The following UNC79 variants were observed in gnomAD, a reference collection of about 807,000 sequenced individuals.
The protein encoded by UNC79 is protein unc-79 homolog.
UNC79 carries 37 observed loss-of-function variants against 283.1 expected under a neutral mutation model. The observed-to-expected ratio is 0.13, with a 90% CI of 0.10 to 0.17. UNC79 has a LOEUF of 0.17. UNC79 is among the 10% of genes least tolerant of loss of function. UNC79 has a pLI of 1.00. For missense variants in UNC79, 2,272 were observed against 3,211.1 expected, an observed-to-expected ratio of 0.71 and a Z score of 7.07; for synonymous variants, 1,107 against 1,200.2, an observed-to-expected ratio of 0.92 and a Z score of 1.61.
intron 12 of UNC79, among the ~76,000 whole-genome samples, chr14:93,539,413 C>T (rs576539589): frequency 6.6e-6 from 1 of 151,280 alleles, no homozygotes; most frequent in African/African-American, 2.4e-5. Context: ...CCCAGCTACT[C>T]AGGAGGCTGA....
In UNC79 at chr14:93,688,855, A is replaced by C; in HGVS notation, c.7085+15A>C. ...ATGCAGCAAGGGTAAGACCCTTACT[A>C]TTCCGGGAATGAGGGTAAAGAAGGC... On this transcript the variant is annotated intron_variant, in intron 44 of 48. Transcript: ENST00000555664. This position sits in a 1 kb window ranked among gnomAD's most constrained non-coding sequence, Gnocchi z 4.0. 3 of 1,609,048 alleles carry C rather than the reference A, an allele frequency of 1.9e-6. No individual in the cohort carries two copies. Among genetic ancestry groups the C allele is most frequent in the Non-Finnish European group, 2.5e-6 (3 of 1,177,198 alleles).
intron 40 of UNC79, among the ~76,000 whole-genome samples, chr14:93,663,657 A>G (rs1292578006): frequency 6.6e-6 from 1 of 151,980 alleles, no homozygotes; most frequent in Admixed American, 6.6e-5. Context: ...TGTTTTTCTG[A>G]TTAGAAACTA....
intron 7 of UNC79, among the ~76,000 whole-genome samples, chr14:93,518,161 G>A (rs1365986705): frequency 6.6e-6 from 1 of 151,996 alleles, no homozygotes; most frequent in Non-Finnish European, 1.5e-5. Flanking sequence ...TTCTGAAAGA[G>A]TTTATGTAAG....
chr14:93,333,448 A>C (rs148406077), exon 1 of UNC79: 3 of 397,538 alleles, frequency 7.5e-6, no homozygotes, highest in African/African-American at 4.1e-5. Flanking sequence ...CTCGAGAACA[A>C]CTCTTCCGCG....
intron 34 of UNC79, 92 bp from the exon 38 acceptor site, chr14:93,646,516 A>G: frequency 7.8e-7 from 1 of 1,286,514 alleles, no homozygotes; most frequent in Admixed American, 1.8e-5. Flanking sequence ...CCCCATCTAA[A>G]CTGGAAACAC....
Position 93,369,195 on chromosome 14 carries a change from T to C in UNC79, c.-351+35672T>C, listed in dbSNP as rs533874051. Among the ~76,000 whole-genome samples the C allele has an allele frequency of 8.5e-4, 130 of 152,176 alleles. 1 individual carries two copies. Among genetic ancestry groups the C allele is most frequent in the Non-Finnish European group, 1.1e-3 (77 of 68,036 alleles). On this transcript the variant is annotated intron_variant, in intron 1 of 49. Transcript: ENST00000256339. ...ACTGGTAGTAGTAAAGGAAATACATTAGGTAGGAATGTGTTCCAGACAATA... is the reference window on the plus strand; with the variant it reads ...ACTGGTAGTAGTAAAGGAAATACATCAGGTAGGAATGTGTTCCAGACAATA...
chr14:93,498,635 C>T (rs1044687386), intron 7 of UNC79, among the ~76,000 whole-genome samples: 4 of 152,022 alleles, frequency 2.6e-5, no homozygotes, highest in African/African-American at 7.2e-5. Flanking sequence ...GTTGCTCAGC[C>T]ATTCAACAGG....
rs76642035 is a variant in UNC79, at chr14:93,706,752, G to A, written c.7639G>A (p.Val2547Met). 1,319 of 1,614,206 alleles carry A rather than the reference G, an allele frequency of 8.2e-4. 9 individuals are homozygous for A. The African/African-American group carries it at 0.013, about 16-fold the overall frequency. The stretch of plus-strand genomic sequence containing the variant: ...TCGCCTCCAGGCTATTCAGAACCAC[G>A]TGAACCACCACAGCCTAAGGACGCT... The change falls in exon 49 of 49, where the codon GTG (valine) becomes ATG (methionine). Residue 2547 changes from valine to methionine, a missense_variant. Coordinates refer to ENST00000555664, the Ensembl canonical transcript of UNC79.
chr14:93,348,669 ATGATTTTAT>A (rs1239744414), intron 1 of UNC79, among the ~76,000 whole-genome samples: 1 of 152,330 alleles, frequency 6.6e-6, no homozygotes, highest in African/African-American at 2.4e-5. Flanking sequence ...TCCTATTTTA[ATGATTTTAT>A]TATCTTCTCT....
intron 1 of UNC79, among the ~76,000 whole-genome samples, chr14:93,391,522 G>T (rs7147377): frequency 0.81 from 123,810 of 152,216 alleles, 50,765 homozygotes; most frequent in African/African-American, 0.91. Flanking sequence ...AAGACAAACT[G>T]AAGGGCGTAC....
At chr14:93,561,770 G>T (rs538196538) in intron 14 of UNC79, among the ~76,000 whole-genome samples, 1 of 152,152 alleles carries the variant, frequency 6.6e-6, no homozygotes, top group Non-Finnish European at 1.5e-5. Context: ...TAAGAGTGGC[G>T]GTTTGGGGAT....
chr14:93,486,656 GGAAAAAA>G (rs1457613042), intron 4 of UNC79, among the ~76,000 whole-genome samples: 13 of 78,512 alleles, frequency 1.7e-4, no homozygotes, highest in Non-Finnish European at 2.6e-4. Context: ...CTCTGTCTAA[GGAAAAAA>G]AAAAAAAAAA....
At chr14:93,565,133 A>G (rs773647217) in intron 14 of UNC79, among the ~76,000 whole-genome samples, 1 of 152,234 alleles carries the variant, frequency 6.6e-6, no homozygotes, top group African/African-American at 2.4e-5. Flanking sequence ...CAATCAATTT[A>G]TCCCCTAGTG....
chr14:93,471,243 G>C (rs1018299262), intron 2 of UNC79, among the ~76,000 whole-genome samples: 2 of 152,176 alleles, frequency 1.3e-5, no homozygotes, highest in Admixed American at 6.5e-5. Flanking sequence ...ATTTTGTTAA[G>C]TACATAGATT....
intron 1 of UNC79, among the ~76,000 whole-genome samples, chr14:93,339,361 G>A (rs113029773): frequency 0.073 from 11,154 of 151,868 alleles, 859 homozygotes; most frequent in African/African-American, 0.19. Flanking sequence ...GTGCAGTGGC[G>A]TGATCTCGGC....
In UNC79 at chr14:93,400,665, C is replaced by T. The variant is rs1198570643; in HGVS notation, c.-350-67006C>T. ...GGATAAGTTTGATTACAGCACAGGG[C>T]ACTGGGGTCTACGGTGCATATCGCT... On this transcript the variant is annotated intron_variant, in intron 1 of 49. Transcript: ENST00000256339. 2.0e-5 allele frequency among the ~76,000 whole-genome samples: 3 copies of T among 152,124 alleles called. No individual in the cohort carries two copies. The South Asian group carries it at 6.2e-4, about 32-fold the overall frequency.
intron 1 of UNC79, among the ~76,000 whole-genome samples, chr14:93,420,420 A>G (rs1429684480): frequency 6.6e-6 from 1 of 151,784 alleles, no homozygotes; most frequent in East Asian, 1.9e-4. Context: ...TATAGTAAAT[A>G]TATATGTACT....
intron 1 of UNC79, among the ~76,000 whole-genome samples, chr14:93,367,360 C>T (rs1253093435): frequency 6.6e-6 from 1 of 152,006 alleles, no homozygotes; most frequent in East Asian, 1.9e-4. Flanking sequence ...GAACATGTGT[C>T]GTGGTAAAAG....
At chr14:93,410,433 G>A (rs980956749) in intron 1 of UNC79, among the ~76,000 whole-genome samples, 4 of 152,170 alleles carry the variant, frequency 2.6e-5, no homozygotes, top group African/African-American at 7.2e-5. Context: ...TGGTATCAGA[G>A]CCAGTGGACT....
Sources: allele counts gnomAD v4.1 joint callset (sites outside exome capture counted in the v4.1 genomes callset), GRCh38; gene constraint gnomAD v4.1.1; non-coding constraint Gnocchi (gnomAD v3.1); transcripts MANE v1.5; gene names NCBI Gene and HGNC (gene_info 2026-07-23, HGNC 2026-07-21).